HDGFL2: variants seen among roughly 807,000 people sequenced by gnomAD.
HDGFL2 encodes the protein HDGF like 2.
In HDGFL2, 36 loss-of-function variants were observed where a neutral mutation model predicts 77.1. That is an observed-to-expected ratio of 0.47 (90% CI 0.36 to 0.62). The LOEUF (loss-of-function observed/expected upper bound fraction) is 0.62, where lower values mean the gene tolerates loss of function less well. HDGFL2 is among the 20% of genes least tolerant of loss of function. The pLI is 0.00. For synonymous variants in HDGFL2, 463 were observed against 413.1 expected (o/e 1.12, Z -1.46); for missense variants, 976 against 973.4 (o/e 1.00, Z -0.04).
chr19:4,489,001 T>G (rs1266057175), intron 4 of HDGFL2, 125 bp downstream of exon 4: 27 of 712,752 alleles, frequency 3.8e-5, no homozygotes, highest in Non-Finnish European at 6.1e-5. Context: ...TCGCCCAGGC[T>G]GGAGTGCAGT....
chr19:4,472,300 C>G lies in HDGFL2; in HGVS notation c.-51C>G. ...CTGCCGCCGCCGCCGCCGCCGCAGC[C>G]GCTACCGCCGCTGCAGCCGCTTTCC... On this transcript the variant is annotated 5_prime_UTR_variant, in exon 1 of 16. Coordinates refer to ENST00000616600, the MANE Select transcript of HDGFL2 (RefSeq NM_001001520.3). The G allele has an allele frequency of 2.2e-6, 3 of 1,366,000 alleles. No homozygotes were observed. Among genetic ancestry groups the G allele is most frequent in the South Asian group, 3.2e-5 (2 of 62,594 alleles). The allele number at this position is 1,366,000 out of a possible 1,614,324, so 84.6% of individuals were successfully genotyped here.
chr19:4,475,514 G>T lies in HDGFL2; in HGVS notation c.219G>T (p.Lys73Asn). 6.2e-7 allele frequency: 1 copy of T among 1,604,238 alleles called. No homozygotes were observed. Among genetic ancestry groups the T allele is most frequent in the Non-Finnish European group, 8.5e-7 (1 of 1,177,572 alleles). Residue 73 changes from lysine (K) to asparagine (N), a missense_variant, in exon 3 of 16, where the codon AAG (lysine) becomes AAT (asparagine). Physicochemically the swap from Lys to Asn is moderately conservative, Grantham distance 94. Coordinates refer to ENST00000616600, the MANE Select transcript of HDGFL2 (RefSeq NM_001001520.3). Reference sequence around the variant, plus strand: ...AAGACAAGTACGGGAAGCCCAACAAGAGGAAAGGCTTCAATGAAGGGCTGT... The same window carrying T: ...AAGACAAGTACGGGAAGCCCAACAATAGGAAAGGCTTCAATGAAGGGCTGT... ...KCKDKYGKPNKRKGFNEGLWE... is the reference protein window; with the variant it reads ...KCKDKYGKPNNRKGFNEGLWE...
intron 1 of HDGFL2, among the ~76,000 whole-genome samples, chr19:4,474,090 G>A (rs1975010381): frequency 6.6e-6 from 1 of 152,032 alleles, no homozygotes; most frequent in African/African-American, 2.4e-5. Flanking sequence ...CGGGAAGCAG[G>A]GACCCCAGGC....
chr19:4,501,540 C>A, intron 15 of HDGFL2: 2 of 516,876 alleles, frequency 3.9e-6, no homozygotes, highest in East Asian at 3.6e-5. Flanking sequence ...GCTGCCTGCC[C>A]CTGGCCTCCT....
chr19:4,496,448 C>T (rs1330355999), intron 10 of HDGFL2, 43 bp downstream of exon 10: 1 of 1,427,430 alleles, frequency 7.0e-7, no homozygotes, highest in Non-Finnish European at 9.8e-7. Context: ...GGCCCCGCAC[C>T]CCGCATCACC....
chr19:4,490,249 G>A (rs945864705), intron 4 of HDGFL2, among the ~76,000 whole-genome samples: 1 of 152,138 alleles, frequency 6.6e-6, no homozygotes, highest in African/African-American at 2.4e-5. Context: ...TACCACGTCC[G>A]GCTAATTTTG....
In HDGFL2 at chr19:4,498,888, C is replaced by T. The variant is rs1216103988; in HGVS notation, c.1548C>T (p.Asn516=). 5.0e-6 allele frequency: 8 copies of T among 1,611,336 alleles called. No homozygotes were observed. The East Asian group carries it at 1.6e-4, about 31-fold the overall frequency. The change falls in exon 13 of 16, where the codon AAC becomes AAT. Residue 516 remains asparagine, a synonymous_variant. Coordinates refer to ENST00000616600, the MANE Select transcript of HDGFL2 (RefSeq NM_001001520.3). The part of the protein sequence containing the change: ...LQVTSQILQK[N]TDVVATLKKI... ...TGACCTCTCAGATCCTCCAGAAGAA[C>T]ACAGACGTGGTGGCCACCTTGAAGA...
At chr19:4,476,842 G>A (rs541570506) in intron 3 of HDGFL2, among the ~76,000 whole-genome samples, 1 of 151,992 alleles carries the variant, frequency 6.6e-6, no homozygotes, top group Admixed American at 6.6e-5. Flanking sequence ...ACTGGGCTGG[G>A]GTTCTTTCCT....
chr19:4,501,491 TC>T (rs1176657413), intron 15 of HDGFL2, 174 bp downstream of exon 15: 4 of 686,244 alleles, frequency 5.8e-6, no homozygotes, highest in Admixed American at 7.1e-5. Context: ...GGCTGGCACT[TC>T]CGGCGGCCCC....
chr19:4,474,450 A>T (rs910626830), intron 1 of HDGFL2, among the ~76,000 whole-genome samples: 1 of 152,034 alleles, frequency 6.6e-6, no homozygotes. Context: ...GGACTCTGAT[A>T]AAGTAGCTCT....
At chr19:4,485,245 A>G (rs1198406346) in intron 3 of HDGFL2, among the ~76,000 whole-genome samples, 2 of 152,204 alleles carry the variant, frequency 1.3e-5, no homozygotes, top group African/African-American at 2.4e-5. Context: ...TTTCATAGAA[A>G]TGGAATCACA....
chr19:4,485,544 C>T (rs1975337853), intron 3 of HDGFL2, among the ~76,000 whole-genome samples: 1 of 151,510 alleles, frequency 6.6e-6, no homozygotes, highest in South Asian at 2.1e-4. Context: ...TGAGACCATC[C>T]TGGCTAACAC....
chr19:4,483,641 C>T (rs1348770800), intron 3 of HDGFL2, among the ~76,000 whole-genome samples: 10 of 152,052 alleles, frequency 6.6e-5, no homozygotes, highest in Admixed American at 5.2e-4. Flanking sequence ...TCGTCTCCCG[C>T]GAGCCCCGTG....
chr19:4,497,041 A>C (rs1313864955), intron 10 of HDGFL2: 1 of 397,430 alleles, frequency 2.5e-6, no homozygotes, highest in South Asian at 1.8e-5. Flanking sequence ...CGCCTGGCTA[A>C]TTTTTGTTGC....
intron 4 of HDGFL2, among the ~76,000 whole-genome samples, chr19:4,490,449 C>T (rs1975477889): frequency 6.6e-6 from 1 of 152,108 alleles, no homozygotes; most frequent in African/African-American, 2.4e-5. Context: ...TGTGTTGATC[C>T]ACATGTCGCT....
rs190573927 is a variant in HDGFL2, at chr19:4,475,098, G to A, written c.73-177G>A. The A allele has an allele frequency of 1.2e-4, 72 of 617,528 alleles. No individual in the cohort carries two copies. The East Asian group carries it at 1.9e-3, about 17-fold the overall frequency. 38.3% of individuals were successfully genotyped at this position (617,528 alleles called of 1,614,324 possible). On this transcript the variant is annotated intron_variant, in intron 1 of 15. Coordinates refer to ENST00000616600, the MANE Select transcript of HDGFL2 (RefSeq NM_001001520.3). Reference sequence around the variant, plus strand: ...GGGAGAGCTCTCTGGGTGGGGCACAGCTTTGCAGTGAAGGGTACACAGAAG... The same window carrying A: ...GGGAGAGCTCTCTGGGTGGGGCACAACTTTGCAGTGAAGGGTACACAGAAG...
chr19:4,486,282 C>G (rs539851908), intron 3 of HDGFL2: 1 of 151,952 alleles, frequency 6.6e-6, no homozygotes, highest in African/African-American at 2.4e-5. Flanking sequence ...ACCATGAGCT[C>G]CCTGACAGCA....
At position 4,494,060 on chromosome 19, in the gene HDGFL2, G is replaced by A; in HGVS notation, c.914+3G>A. The stretch of plus-strand genomic sequence containing the variant: ...CCGTCCAGCTCCAGCAGTGACAGGT[G>A]GGTGCTGGGGCTGGGGTCCCCTCTG... On this transcript the variant is annotated splice_donor_region_variant and intron_variant, in intron 8 of 15. Coordinates refer to ENST00000616600, the MANE Select transcript of HDGFL2 (RefSeq NM_001001520.3). 1.9e-6 allele frequency: 3 copies of A among 1,602,100 alleles called. No individual in the cohort carries two copies. In the South Asian group the frequency reaches 3.4e-5, roughly 18 times the overall value.
intron 7 of HDGFL2, 54 bp from the exon 8 acceptor site, chr19:4,493,928 T>G (rs967871257): frequency 6.4e-7 from 1 of 1,554,084 alleles, no homozygotes. Context: ...GGCAGTCCCC[T>G]GGTCACCTTG....
Sources: gnomAD v4.1 joint callset for allele counts (sites outside exome capture counted in the v4.1 genomes callset) on GRCh38, gnomAD v4.1.1 for gene constraint, MANE v1.5 for transcripts, NCBI Gene and HGNC (gene_info 2026-07-23, HGNC 2026-07-21) for gene names.